THSD7B: variants seen among roughly 807,000 people sequenced by gnomAD.
THSD7B encodes thrombospondin type 1 domain containing 7B.
A neutral mutation model predicts 213.6 loss-of-function variants in THSD7B; 138 were observed. The observed-to-expected ratio is 0.65, with a 90% CI of 0.56 to 0.74. THSD7B has a LOEUF of 0.74. THSD7B is among the 30% of genes least tolerant of loss of function. The pLI is 0.00. For synonymous variants in THSD7B, 742 were observed against 687.0 expected (o/e 1.08, Z -1.25); for missense variants, 1,931 against 1,991.5 (o/e 0.97, Z 0.58).
intron 1 of THSD7B, among the ~76,000 whole-genome samples, chr2:136,794,680 G>T (rs963103794): frequency 6.6e-6 from 1 of 151,856 alleles, no homozygotes; most frequent in Non-Finnish European, 1.5e-5. Context: ...GTTGAGTATC[G>T]TTTTATACAT....
At chr2:136,804,780 A>C (rs1219062685) in intron 1 of THSD7B, among the ~76,000 whole-genome samples, 1 of 152,148 alleles carries the variant, frequency 6.6e-6, no homozygotes, top group Non-Finnish European at 1.5e-5. Context: ...CCTTAAGTAA[A>C]AAAGCTTGCT....
At chr2:137,647,040 C>G (rs72844566) in intron 21 of THSD7B, among the ~76,000 whole-genome samples, 21,676 of 152,166 alleles carry the variant, frequency 0.14, 1,658 homozygotes, top group South Asian at 0.24. Flanking sequence ...AGCAGCTTAT[C>G]CGTGACCTTC....
chr2:137,224,564 T>C (rs564889580), intron 7 of THSD7B, among the ~76,000 whole-genome samples: 1 of 152,328 alleles, frequency 6.6e-6, no homozygotes, highest in African/African-American at 2.4e-5. Context: ...TATGCATGTG[T>C]TTACTGATAT....
chr2:137,559,074 C>A (rs1253517319), intron 15 of THSD7B, among the ~76,000 whole-genome samples: 1 of 152,142 alleles, frequency 6.6e-6, no homozygotes, highest in Non-Finnish European at 1.5e-5. Context: ...AGGACACAAA[C>A]AAATGGAAGA....
At position 137,151,926 on chromosome 2, in the gene THSD7B, C is replaced by T. The variant is rs537688992; in HGVS notation, c.1370-8287C>T. ...CTTGAGGTGAAGTGTCATTATGTGG[C>T]ACATGACTGTGTTTGTAGCTAGTGG... On this transcript the variant is annotated intron_variant, in intron 5 of 27. Coordinates refer to ENST00000409968, the MANE Select transcript of THSD7B (RefSeq NM_001316349.2). 3.0e-4 allele frequency among the ~76,000 whole-genome samples: 46 copies of T among 152,016 alleles called. No individual in the cohort carries two copies. In the South Asian group the frequency reaches 3.1e-3, roughly 10 times the overall value.
At chr2:137,158,192 T>A (rs557208788) in intron 5 of THSD7B, among the ~76,000 whole-genome samples, 15 of 152,352 alleles carry the variant, frequency 9.8e-5, no homozygotes, top group Admixed American at 2.6e-4. Context: ...CTGTCTTGTG[T>A]GTGTCTTGAT....
In THSD7B at chr2:136,767,610, C is replaced by T. The variant is rs186039336; in HGVS notation, c.-36+1923C>T. ...TCTTCTGACACTGTAACAATATACA[C>T]AGATACTTCTGAAAAAATTGTAGGT... is the stretch of plus-strand genomic sequence containing the variant. On this transcript the variant is annotated intron_variant, in intron 1 of 27. Transcript: ENST00000409968. Among the ~76,000 whole-genome samples, 77 of 152,190 alleles carry T rather than the reference C, an allele frequency of 5.1e-4. 1 individual carries two copies. The Middle Eastern group carries it at 0.01, about 20-fold the overall frequency.
chr2:137,556,568 G>A (rs568328639), intron 15 of THSD7B, among the ~76,000 whole-genome samples: 11 of 152,276 alleles, frequency 7.2e-5, no homozygotes, highest in African/African-American at 2.6e-4. Context: ...GGAACCAGCG[G>A]TACCAGCCAC....
Position 137,164,489 on chromosome 2 carries a change from G to A in THSD7B, c.1525+4121G>A, listed in dbSNP as rs563020904. Reference sequence around the variant, plus strand: ...CACTGTGGCGATTCCTCAAGGATCTGGAGCTAGAAATACCATTTGACCCAG... The same window carrying A: ...CACTGTGGCGATTCCTCAAGGATCTAGAGCTAGAAATACCATTTGACCCAG... On this transcript the variant is annotated intron_variant, in intron 6 of 27. Transcript: ENST00000409968. Among the ~76,000 whole-genome samples, 4 of 151,638 alleles carry A rather than the reference G, an allele frequency of 2.6e-5. No homozygotes were observed. The South Asian group carries it at 6.2e-4, about 24-fold the overall frequency.
At position 137,145,787 on chromosome 2, in the gene THSD7B, C is replaced by T. The variant is rs577047692; in HGVS notation, c.1370-14426C>T. Among the ~76,000 whole-genome samples, 5 of 152,084 alleles carry T rather than the reference C, an allele frequency of 3.3e-5. No homozygotes were observed. In the South Asian group the frequency reaches 1.0e-3, roughly 32 times the overall value. On this transcript the variant is annotated intron_variant, in intron 5 of 27. Transcript: ENST00000409968. Reference sequence around the variant, plus strand: ...ATATTACTTTGAAAAATTCATTTTACCTGTCCTTTTAGAAATATGTAATAA... The same window carrying T: ...ATATTACTTTGAAAAATTCATTTTATCTGTCCTTTTAGAAATATGTAATAA...
chr2:137,177,981 G>A (rs1013175426), intron 7 of THSD7B, among the ~76,000 whole-genome samples: 3 of 148,372 alleles, frequency 2.0e-5, no homozygotes, highest in Admixed American at 1.4e-4. Flanking sequence ...TGAGACAGGA[G>A]AATCGCTTGA....
At chr2:136,773,806 A>C (rs774387075) in intron 1 of THSD7B, among the ~76,000 whole-genome samples, 1 of 151,982 alleles carries the variant, frequency 6.6e-6, no homozygotes, top group Non-Finnish European at 1.5e-5. Flanking sequence ...GTTTCCTTTT[A>C]ACTGTACATA....
chr2:137,201,929 C>T (rs548456517), intron 7 of THSD7B, among the ~76,000 whole-genome samples: 2 of 152,280 alleles, frequency 1.3e-5, no homozygotes, highest in East Asian at 3.9e-4. Flanking sequence ...TGGGATGCTC[C>T]TGCTCAAGGC....
At chr2:137,610,873 C>A (rs1216824793) in intron 17 of THSD7B, among the ~76,000 whole-genome samples, 1 of 151,334 alleles carries the variant, frequency 6.6e-6, no homozygotes, top group Non-Finnish European at 1.5e-5. Flanking sequence ...AAGAAGAAAA[C>A]CGTTTCATCT....
intron 4 of THSD7B, among the ~76,000 whole-genome samples, chr2:137,114,458 G>C (rs954444110): frequency 2.0e-5 from 3 of 152,128 alleles, no homozygotes; most frequent in African/African-American, 7.2e-5. Context: ...GTGTGTATTT[G>C]AGTATTAACC....
intron 20 of THSD7B, among the ~76,000 whole-genome samples, chr2:137,641,241 T>C (rs1347683761): frequency 1.3e-5 from 2 of 152,214 alleles, no homozygotes; most frequent in Non-Finnish European, 2.9e-5. Flanking sequence ...CACTGGCTTC[T>C]GTCAGGTCCT....
Position 137,657,110 on chromosome 2 carries a change from A to G in THSD7B, c.4325A>G (p.Asn1442Ser), listed in dbSNP as rs1192284371. The change falls in exon 24 of 28, where the codon AAT becomes AGT. Residue 1442 changes from asparagine to serine, a missense_variant. Transcript: ENST00000409968. ...ACATGGAAAGCAAGTCTTTGGAACAATAACGAACGAACTGTATGGTGCCAG... is the reference window on the plus strand; with the variant it reads ...ACATGGAAAGCAAGTCTTTGGAACAGTAACGAACGAACTGTATGGTGCCAG... ...HYTWKASLWNNNERTVWCQRS... is the reference protein window; with the variant it reads ...HYTWKASLWNSNERTVWCQRS... 1.9e-6 allele frequency: 3 copies of G among 1,614,040 alleles called. No individual in the cohort carries two copies. In the East Asian group the frequency reaches 6.7e-5, roughly 36 times the overall value.
chr2:137,138,742 C>T (rs1679518633), intron 5 of THSD7B, among the ~76,000 whole-genome samples: 1 of 152,162 alleles, frequency 6.6e-6, no homozygotes, highest in Non-Finnish European at 1.5e-5. Flanking sequence ...ATAGCTATGA[C>T]ATTTAATAAG....
At chr2:136,910,164 A>G (rs1263501062) in intron 2 of THSD7B, among the ~76,000 whole-genome samples, 1 of 152,080 alleles carries the variant, frequency 6.6e-6, no homozygotes, top group African/African-American at 2.4e-5. Context: ...GGAGGGAGAA[A>G]GCAAGGTGAA....
Sources: allele counts gnomAD v4.1 joint callset (sites outside exome capture counted in the v4.1 genomes callset), GRCh38; gene constraint gnomAD v4.1.1; transcripts MANE v1.5; gene names NCBI Gene and HGNC (gene_info 2026-07-23, HGNC 2026-07-21).